The following MTMR2 variants were observed in gnomAD, a reference collection of about 807,000 sequenced individuals.
The protein encoded by MTMR2 is myotubularin related protein 2.
In MTMR2, 55 loss-of-function variants were observed where a neutral mutation model predicts 86.9. The ratio of observed to expected loss-of-function variants is 0.63; its 90% CI spans 0.51 to 0.79. MTMR2 has a LOEUF of 0.79. Among genes scored for constraint, MTMR2 ranks in the 30% least tolerant of loss-of-function variants. The pLI is 0.00. For missense variants in MTMR2, 659 were observed against 772.3 expected, an observed-to-expected ratio of 0.85 and a Z score of 1.74; for synonymous variants, 241 against 266.8, an observed-to-expected ratio of 0.90 and a Z score of 0.94.
At chr11:95,916,530 T>A (rs532170724) in intron 1 of MTMR2, among the ~76,000 whole-genome samples, 10 of 152,258 alleles carry the variant, frequency 6.6e-5, no homozygotes, top group African/African-American at 2.4e-4. Flanking sequence ...ATACTTCAGA[T>A]CCACCATATT....
chr11:95,873,593 C>T (rs1006269294), intron 2 of MTMR2, among the ~76,000 whole-genome samples: 2 of 152,074 alleles, frequency 1.3e-5, no homozygotes, highest in African/African-American at 4.8e-5. Context: ...GTGTCTCTAT[C>T]TCCTTCAGTT....
At chr11:95,896,039 C>T (rs756604371) in intron 1 of MTMR2, among the ~76,000 whole-genome samples, 1 of 152,072 alleles carries the variant, frequency 6.6e-6, no homozygotes, top group Non-Finnish European at 1.5e-5. Context: ...TCCAGTTCCT[C>T]TTTGTATCTC....
intron 7 of MTMR2, 142 bp from the exon 8 acceptor site, chr11:95,850,891 G>T (rs758389666): frequency 1.3e-6 from 1 of 777,912 alleles, no homozygotes; most frequent in Non-Finnish European, 2.1e-6. Flanking sequence ...TCAGCCTGTG[G>T]TATCAGGCTT....
chr11:95,920,992 A>T (rs913479476), intron 1 of MTMR2, among the ~76,000 whole-genome samples: 2 of 152,248 alleles, frequency 1.3e-5, no homozygotes, highest in Non-Finnish European at 2.9e-5. Context: ...CATCTAATCA[A>T]TACATTTAAA....
At chr11:95,911,819 G>A (rs1282548355) in intron 1 of MTMR2, among the ~76,000 whole-genome samples, 2 of 151,972 alleles carry the variant, frequency 1.3e-5, no homozygotes, top group Non-Finnish European at 2.9e-5. Context: ...ACACTTACTT[G>A]GACAAGTATA....
intron 12 of MTMR2, among the ~76,000 whole-genome samples, chr11:95,839,536 C>T (rs991071691): frequency 3.9e-5 from 6 of 152,076 alleles, no homozygotes; most frequent in Non-Finnish European, 8.8e-5. Flanking sequence ...AGTAAAATAG[C>T]AGGGCATTAA....
At chr11:95,858,766 T>C in intron 5 of MTMR2, 134 bp from the exon 6 acceptor site, 1 of 652,368 alleles carries the variant, frequency 1.5e-6, no homozygotes, top group Non-Finnish European at 2.7e-6. Flanking sequence ...AGACATCAGC[T>C]CCTGGAGACA....
chr11:95,869,766 T>C (rs1004377877), intron 2 of MTMR2, among the ~76,000 whole-genome samples: 1 of 152,318 alleles, frequency 6.6e-6, no homozygotes, highest in African/African-American at 2.4e-5. Context: ...GTTTAGGGTA[T>C]CCTAGTGAAG....
chr11:95,867,822 A>G (rs1260206466), intron 2 of MTMR2, among the ~76,000 whole-genome samples: 1 of 152,018 alleles, frequency 6.6e-6, no homozygotes, highest in African/African-American at 2.4e-5. Context: ...CCTAGAAAAA[A>G]AAAAAAAAGA....
At chr11:95,874,345 T>G (rs544014937) in intron 2 of MTMR2, among the ~76,000 whole-genome samples, 97 of 152,352 alleles carry the variant, frequency 6.4e-4, no homozygotes, top group African/African-American at 2.2e-3. Context: ...TTTACCATTA[T>G]GTAATGGCCT....
intron 1 of MTMR2, among the ~76,000 whole-genome samples, chr11:95,917,901 T>C (rs1565391528): frequency 6.6e-6 from 1 of 152,224 alleles, no homozygotes; most frequent in Non-Finnish European, 1.5e-5. Context: ...GGGTCAACTG[T>C]ACTTTTTTTA....
intron 1 of MTMR2, among the ~76,000 whole-genome samples, chr11:95,911,157 A>AT (rs1451091900): frequency 6.6e-6 from 1 of 152,118 alleles, no homozygotes; most frequent in Non-Finnish European, 1.5e-5. Context: ...AACAAAGGAG[A>AT]TTTGAGCTCT....
At chr11:95,861,840 A>T (rs1864431273) in intron 5 of MTMR2, 152 bp downstream of exon 5, 1 of 661,938 alleles carries the variant, frequency 1.5e-6, no homozygotes, top group Admixed American at 2.8e-5. Context: ...TATTACTGCT[A>T]AATTTTGTTT....
intron 7 of MTMR2, among the ~76,000 whole-genome samples, chr11:95,853,048 T>TA (rs1864081298): frequency 6.7e-6 from 1 of 149,146 alleles, no homozygotes; most frequent in African/African-American, 2.5e-5. Context: ...ATATATAATA[T>TA]ATATATATAT....
intron 2 of MTMR2, among the ~76,000 whole-genome samples, chr11:95,878,761 C>T (rs1483238238): frequency 1.3e-5 from 2 of 152,098 alleles, no homozygotes; most frequent in Non-Finnish European, 2.9e-5. Context: ...CTGAGCTATA[C>T]TTCAGACAGT....
At chr11:95,920,242 A>G (rs1866865898) in intron 1 of MTMR2, among the ~76,000 whole-genome samples, 1 of 152,206 alleles carries the variant, frequency 6.6e-6, no homozygotes, top group Non-Finnish European at 1.5e-5. Flanking sequence ...CAAGATATAC[A>G]AGAGTTGCTG....
chr11:95,837,791 C>G (rs1033414475), intron 13 of MTMR2, among the ~76,000 whole-genome samples: 1 of 152,026 alleles, frequency 6.6e-6, no homozygotes, highest in Non-Finnish European at 1.5e-5. Flanking sequence ...GATTTCCATT[C>G]TACATGGAAA....
chr11:95,882,265 C>T (rs369037199), intron 2 of MTMR2: 1 of 151,640 alleles, frequency 6.6e-6, no homozygotes, highest in African/African-American at 2.4e-5. Flanking sequence ...TCGGGGGGGC[C>T]GAGGTGGGCG....
chr11:95,845,002 T>G lies in MTMR2; in HGVS notation c.1337A>C (p.Glu446Ala). The G allele has an allele frequency of 6.2e-7, 1 of 1,613,958 alleles. No homozygotes were observed. The highest frequency in any genetic ancestry group is 1.1e-5 in the South Asian group (1 of 91,076). ...TAGCCATTCTTTCTCCACAAGGACT[T>G]CAAATCCTCGGATGGTTCGATAGTA... ...DGYYRTIRGF[E>A]VLVEKEWLSF... The change falls in exon 11 of 15, where the codon GAA becomes GCA. Residue 446 changes from glutamate to alanine, a missense_variant. Glu to Ala is a moderately radical substitution (Grantham distance 107). Coordinates refer to ENST00000346299, the MANE Select transcript of MTMR2 (RefSeq NM_016156.6).
Sources: allele counts gnomAD v4.1 joint callset (sites outside exome capture counted in the v4.1 genomes callset), GRCh38; gene constraint gnomAD v4.1.1; transcripts MANE v1.5; gene names NCBI Gene and HGNC (gene_info 2026-07-23, HGNC 2026-07-21).